The following AP2A2 variants were observed in gnomAD, a reference collection of about 807,000 sequenced individuals.
The protein encoded by AP2A2 is AP-2 complex subunit alpha-2.
In AP2A2, 32 loss-of-function variants were observed where a neutral mutation model predicts 104.2. The ratio of observed to expected loss-of-function variants is 0.31; its 90% CI spans 0.23 to 0.41. AP2A2 has a LOEUF of 0.41. Among genes scored for constraint, AP2A2 ranks in the 10% least tolerant of loss-of-function variants. The pLI is 1.00. For missense variants in AP2A2, 912 were observed against 1,261.0 expected (o/e 0.72, Z 4.19); for synonymous variants, 539 against 533.3 (o/e 1.01, Z -0.15).
At chr11:937,937 G>A (rs1421587298) in intron 1 of AP2A2, among the ~76,000 whole-genome samples, 5 of 152,172 alleles carry the variant, frequency 3.3e-5, no homozygotes, top group African/African-American at 7.2e-5. Flanking sequence ...GAACTGTGTC[G>A]GTTTGCCCCT....
Position 926,090 on chromosome 11 carries a change from T to G in AP2A2, c.67+2T>G. Reference sequence around the variant, plus strand: ...TCTTCATCTCGGATATCCGCAACTGTGAGTGGCGGGGGCGGCGTGGGGCCG... The same window carrying G: ...TCTTCATCTCGGATATCCGCAACTGGGAGTGGCGGGGGCGGCGTGGGGCCG... On this transcript the variant is annotated splice_donor_variant, in intron 1 of 21. Transcript: ENST00000448903. LOFTEE classifies it high-confidence loss of function. 2.3e-6 allele frequency: 3 copies of G among 1,321,286 alleles called. No individual in the cohort carries two copies. The highest frequency in any genetic ancestry group is 2.0e-4 in the Middle Eastern group (1 of 5,008). The allele number at this position is 1,321,286 out of a possible 1,614,324, so 81.8% of individuals were successfully genotyped here. A position where few individuals can be genotyped will look rare whatever the true frequency, so the allele number is the denominator to read the frequency against.
At chr11:980,070 C>T (rs1194403309) in intron 5 of AP2A2, among the ~76,000 whole-genome samples, 1 of 138,502 alleles carries the variant, frequency 7.2e-6, no homozygotes, top group African/African-American at 2.7e-5. Context: ...TGACAGGCTG[C>T]CCGGTGCCGT....
intron 10 of AP2A2, among the ~76,000 whole-genome samples, chr11:991,484 C>T (rs1486340727): frequency 6.6e-6 from 1 of 151,810 alleles, no homozygotes; most frequent in African/African-American, 2.4e-5. Context: ...AGCATCCGTT[C>T]GTGGAGGGGT....
intron 10 of AP2A2, among the ~76,000 whole-genome samples, chr11:990,255 G>A (rs1360962299): frequency 6.6e-6 from 1 of 152,186 alleles, no homozygotes; most frequent in Non-Finnish European, 1.5e-5. Context: ...GCTGACTCCC[G>A]GCAGGAGGCC....
chr11:958,738 C>T (rs1460136324), intron 1 of AP2A2, among the ~76,000 whole-genome samples: 1 of 152,142 alleles, frequency 6.6e-6, no homozygotes, highest in East Asian at 1.9e-4. Flanking sequence ...GGGCCCACCT[C>T]ATGACCCCAT....
intron 10 of AP2A2, among the ~76,000 whole-genome samples, chr11:989,308 G>A (rs1293373833): frequency 7.2e-5 from 11 of 151,824 alleles, no homozygotes; most frequent in Non-Finnish European, 1.5e-4. Flanking sequence ...ACTCCAGCCT[G>A]AGCAACAAGA....
chr11:969,197 A>G (rs1484552308), intron 2 of AP2A2, among the ~76,000 whole-genome samples: 1 of 137,662 alleles, frequency 7.3e-6, no homozygotes, highest in Non-Finnish European at 1.5e-5. Context: ...TGGGATAGAA[A>G]CTCCTGGCAA....
At chr11:950,225 A>G (rs1041495688) in intron 1 of AP2A2, among the ~76,000 whole-genome samples, 3 of 152,150 alleles carry the variant, frequency 2.0e-5, no homozygotes, top group African/African-American at 7.2e-5. Context: ...AAATAACTCC[A>G]TGGATCATAA....
rs1433283691 is a variant in AP2A2 at position 992,159 on chromosome 11, G to T, written c.1270-344G>T. On this transcript the variant is annotated intron_variant, in intron 10 of 21. Transcript: ENST00000448903. The surrounding 1 kb of genome is among the most constrained non-coding windows in gnomAD (Gnocchi z 6.4). The stretch of plus-strand genomic sequence containing the variant: ...TGGCGCAGTCAGAGGTCAGAGGAGT[G>T]CTGCCACCGGGAGCCTAGGGTGATG... Among the ~76,000 whole-genome samples, 2 of 152,050 alleles carry T rather than the reference G, an allele frequency of 1.3e-5. No individual in the cohort carries two copies. The highest frequency in any genetic ancestry group is 1.3e-4 in the Admixed American group (2 of 15,266).
At chr11:965,970 G>A (rs1257302294) in intron 2 of AP2A2, among the ~76,000 whole-genome samples, 1 of 152,164 alleles carries the variant, frequency 6.6e-6, no homozygotes, top group East Asian at 1.9e-4. Context: ...CCTCCCGAGT[G>A]GCTAGGGCTA....
At chr11:967,552 G>A (rs1854662338) in intron 2 of AP2A2, among the ~76,000 whole-genome samples, 1 of 151,798 alleles carries the variant, frequency 6.6e-6, no homozygotes, top group African/African-American at 2.4e-5. Flanking sequence ...AGTAGAGACA[G>A]GATTTCACCG....
intron 14 of AP2A2, 36 bp from the exon 15 acceptor site, chr11:1,000,396 G>A (rs1855990968): frequency 8.4e-6 from 13 of 1,540,846 alleles, no homozygotes; most frequent in Non-Finnish European, 1.1e-5. Context: ...AGGCCAGGGA[G>A]GCTCTCTGCT....
chr11:986,103 C>T (rs761377600), intron 8 of AP2A2, among the ~76,000 whole-genome samples: 9 of 152,210 alleles, frequency 5.9e-5, no homozygotes, highest in Admixed American at 1.3e-4. Flanking sequence ...TGTGGTCTGG[C>T]GTGGGTCTTG....
rs753270396 is a variant in AP2A2 at position 986,934 on chromosome 11, C to T, written c.1112C>T (p.Thr371Met). 1.7e-5 allele frequency: 27 copies of T among 1,589,858 alleles called. No individual in the cohort carries two copies. Among genetic ancestry groups the T allele is most frequent in the Non-Finnish European group, 2.2e-5 (26 of 1,168,754 alleles). The change falls in exon 9 of 22, where the codon ACG becomes ATG. Residue 371 changes from threonine to methionine, a missense_variant. Around this residue, in one of 7 missense-constraint regions of AP2A2, gnomAD observed 350 missense variants for 487.0 expected, o/e 0.72. Coordinates refer to ENST00000448903, the MANE Select transcript of AP2A2 (RefSeq NM_012305.4). Reference sequence around the variant, plus strand: ...GAGGCTGTCAAGACGCACATCGAGACGGTCATCAACGCCCTGAAGGCGAGT... The same window carrying T: ...GAGGCTGTCAAGACGCACATCGAGATGGTCATCAACGCCCTGAAGGCGAGT... ...SHEAVKTHIETVINALKTERD... is the reference protein window; with the variant it reads ...SHEAVKTHIEMVINALKTERD...
At chr11:979,964 A>G (rs1461069611) in intron 5 of AP2A2, among the ~76,000 whole-genome samples, 1 of 152,236 alleles carries the variant, frequency 6.6e-6, no homozygotes, top group South Asian at 2.1e-4. Flanking sequence ...ATGTCTTTAT[A>G]TAATTAAAGT....
At chr11:967,746 C>T (rs902988776) in intron 2 of AP2A2, among the ~76,000 whole-genome samples, 12 of 152,204 alleles carry the variant, frequency 7.9e-5, no homozygotes, top group African/African-American at 2.9e-4. Flanking sequence ...AAGCAAGTGG[C>T]TGCATCTTTC....
chr11:995,669 G>A (rs1855827892), intron 14 of AP2A2, among the ~76,000 whole-genome samples: 1 of 137,604 alleles, frequency 7.3e-6, no homozygotes, highest in Non-Finnish European at 1.6e-5. Context: ...CTGGCCGACA[G>A]TGCAGGGCCT....
intron 2 of AP2A2, among the ~76,000 whole-genome samples, chr11:965,806 A>G (rs932496329): frequency 1.4e-4 from 22 of 152,156 alleles, no homozygotes; most frequent in Admixed American, 1.4e-3. Context: ...TTAGAAAACA[A>G]CTGTTGTGTT....
At chr11:953,020 A>G (rs1423584077) in intron 1 of AP2A2, among the ~76,000 whole-genome samples, 1 of 152,166 alleles carries the variant, frequency 6.6e-6, no homozygotes, top group African/African-American at 2.4e-5. Context: ...TGCGTCCGTC[A>G]TGACTGCAGG....
Sources: allele counts gnomAD v4.1 joint callset (sites outside exome capture counted in the v4.1 genomes callset), GRCh38; gene constraint gnomAD v4.1.1; regional missense constraint gnomAD v4.1.1; non-coding constraint Gnocchi (gnomAD v3.1); transcripts MANE v1.5; gene names NCBI Gene and HGNC (gene_info 2026-07-23, HGNC 2026-07-21).